GIMAP7: variants seen among roughly 807,000 people sequenced by gnomAD.
GIMAP7 encodes the protein GTPase IMAP family member 7.
For missense variants in GIMAP7, 323 were observed against 359.7 expected, an observed-to-expected ratio of 0.90 and a Z score of 0.83; for synonymous variants, 137 against 129.3, an observed-to-expected ratio of 1.06 and a Z score of -0.40.
At chr7:150,517,266 T>A (rs1329044279) in intron 1 of GIMAP7, among the ~76,000 whole-genome samples, 1 of 152,214 alleles carries the variant, frequency 6.6e-6, no homozygotes, top group Non-Finnish European at 1.5e-5. Flanking sequence ...TGGTATATTT[T>A]AATCCATTGG....
At chr7:150,518,192 G>C (rs73480197) in intron 1 of GIMAP7, among the ~76,000 whole-genome samples, 28,441 of 151,882 alleles carry the variant, frequency 0.19, 4,302 homozygotes, top group African/African-American at 0.4. Flanking sequence ...TGCAGCTCTG[G>C]GATAAATCCT....
intron 1 of GIMAP7, 72 bp from the exon 2 acceptor site, chr7:150,519,861 GC>G: frequency 1.2e-6 from 1 of 842,164 alleles, no homozygotes; most frequent in Non-Finnish European, 1.9e-6. Context: ...GAAAGAGAAA[GC>G]AGAAAAGAAG....
intron 1 of GIMAP7, among the ~76,000 whole-genome samples, chr7:150,516,218 T>C (rs1285721964): frequency 2.0e-5 from 3 of 152,232 alleles, no homozygotes; most frequent in African/African-American, 7.2e-5. Flanking sequence ...TGTTCTGATA[T>C]GCAGTCTCTG....
chr7:150,520,997 TATA>T lies in GIMAP7; in HGVS notation c.*123_*125del. ...ATAAAAATAAAATATGTTTAATGTA[TATA>T]ATGTGATTTTTAAATATATATATAT... On this transcript the variant is annotated 3_prime_UTR_variant, in exon 2 of 2. Transcript: ENST00000313543. 1 of 337,974 alleles carries T rather than the reference TATA, an allele frequency of 3.0e-6. No individual in the cohort carries two copies. Among genetic ancestry groups the T allele is most frequent in the Non-Finnish European group, 4.9e-6 (1 of 202,590 alleles). The allele number at this position is 337,974 out of a possible 1,614,324, so 20.9% of individuals were successfully genotyped here.
rs545570989 is a variant in GIMAP7, at chr7:150,520,214, A to T, written c.240A>T (p.Glu80Asp). The T allele has an allele frequency of 1.1e-5, 18 of 1,614,140 alleles. No homozygotes were observed. In the East Asian group the frequency reaches 1.6e-4, roughly 14 times the overall value. The change falls in exon 2 of 2, where the codon GAA becomes GAT. Residue 80 changes from glutamate (E) to aspartate (D), a missense_variant. Physicochemically the swap from Glu to Asp is conservative, Grantham distance 45. Coordinates refer to ENST00000313543, the MANE Select transcript of GIMAP7 (RefSeq NM_153236.4). The part of the protein sequence containing the change: ...TKESLDTTCK[E>D]ISRCIISSCP... ...AGAGCCTGGACACCACCTGCAAGGAAATCAGCCGCTGCATCATCTCCTCCT... is the reference window on the plus strand; with the variant it reads ...AGAGCCTGGACACCACCTGCAAGGATATCAGCCGCTGCATCATCTCCTCCT...
intron 1 of GIMAP7, among the ~76,000 whole-genome samples, chr7:150,518,592 A>G (rs1294011296): frequency 6.6e-6 from 1 of 152,018 alleles, no homozygotes; most frequent in Non-Finnish European, 1.5e-5. Context: ...ATACAGTAGG[A>G]AAAGTAGCCC....
Position 150,519,994 on chromosome 7 carries a change from G to A in GIMAP7, c.20G>A (p.Arg7His), listed in dbSNP as rs145339506. Residue 7 changes from arginine (R) to histidine (H), a missense_variant, in exon 2 of 2, where the codon CGC becomes CAC. By Grantham distance (29) the Arg-to-His change is conservative (BLOSUM62 0). Coordinates refer to ENST00000313543, the MANE Select transcript of GIMAP7 (RefSeq NM_153236.4). Reference sequence around the variant, plus strand: ...GTGAGCATGGCTGAGAGTGAGGACCGCTCCCTGAGGATCGTTCTGGTAGGG... The same window carrying A: ...GTGAGCATGGCTGAGAGTGAGGACCACTCCCTGAGGATCGTTCTGGTAGGG... MAESED[R>H]SLRIVLVGKT... 90 of 1,613,838 alleles carry A rather than the reference G, an allele frequency of 5.6e-5. No individual in the cohort carries two copies. The South Asian group carries it at 8.1e-4, about 15-fold the overall frequency.
chr7:150,520,012 T>C lies in GIMAP7; in HGVS notation c.38T>C (p.Leu13Pro). 1 of 1,614,184 alleles carries C rather than the reference T, an allele frequency of 6.2e-7. No homozygotes were observed. The highest frequency in any genetic ancestry group is 8.5e-7 in the Non-Finnish European group (1 of 1,180,022). Residue 13 changes from leucine (L) to proline (P), a missense_variant, in exon 2 of 2, where the codon CTG (leucine) becomes CCG (proline). Coordinates refer to ENST00000313543, the MANE Select transcript of GIMAP7 (RefSeq NM_153236.4). ...GAGGACCGCTCCCTGAGGATCGTTC[T>C]GGTAGGGAAAACTGGAAGTGGGAAA... is the stretch of plus-strand genomic sequence containing the variant. ...ESEDRSLRIVLVGKTGSGKSA... is the reference protein window; with the variant it reads ...ESEDRSLRIVPVGKTGSGKSA...
In GIMAP7 at chr7:150,520,267, T is replaced by A; in HGVS notation, c.293T>A (p.Val98Asp). 1 of 1,614,228 alleles carries A rather than the reference T, an allele frequency of 6.2e-7. No homozygotes were observed. The change falls in exon 2 of 2, where the codon GTT becomes GAT. Residue 98 changes from valine (V) to aspartate (D), a missense_variant. Transcript: ENST00000313543. Reference protein sequence around the residue: ...SCPGPHAIVLVLLLGRYTEEE... With the variant: ...SCPGPHAIVLDLLLGRYTEEE... ...CCAGGGCCCCATGCTATTGTCCTAG[T>A]TCTGCTGCTGGGCCGCTACACAGAG...
At position 150,515,657 on chromosome 7, in the gene GIMAP7, T is replaced by C. The variant is rs141377047; in HGVS notation, c.-42+712T>C. Reference sequence around the variant, plus strand: ...CACAGTTTAGAACTGTTCACCTCTGTTGTAAATGCTTTTGTCATTTCTCAG... The same window carrying C: ...CACAGTTTAGAACTGTTCACCTCTGCTGTAAATGCTTTTGTCATTTCTCAG... On this transcript the variant is annotated intron_variant, in intron 1 of 1. Transcript: ENST00000313543. 6.5e-3 allele frequency among the ~76,000 whole-genome samples: 988 copies of C among 152,306 alleles called. 11 individuals are homozygous for C. Among genetic ancestry groups the C allele is most frequent in the African/African-American group, 0.023 (945 of 41,554 alleles).
In GIMAP7 at chr7:150,520,910, T is replaced by C; in HGVS notation, c.*33T>C. 8.3e-7 allele frequency: 1 copy of C among 1,200,932 alleles called. No homozygotes were observed. The allele number at this position is 1,200,932 out of a possible 1,614,324, so 74.4% of individuals were successfully genotyped here. On this transcript the variant is annotated 3_prime_UTR_variant, in exon 2 of 2. Coordinates refer to ENST00000313543, the MANE Select transcript of GIMAP7 (RefSeq NM_153236.4). ...TGATTTGTTAATGGATGAATTGTAT[T>C]TTGCAAAGATAGTTAGAGAAATACC...
chr7:150,520,543 A>G lies in GIMAP7; in HGVS notation c.569A>G (p.Glu190Gly). 1.2e-6 allele frequency: 2 copies of G among 1,614,222 alleles called. No homozygotes were observed. Among genetic ancestry groups the G allele is most frequent in the South Asian group, 2.2e-5 (2 of 91,092 alleles). The change falls in exon 2 of 2, where the codon GAG (glutamate) becomes GGG (glycine). Residue 190 changes from glutamate (E) to glycine (G), a missense_variant. Transcript: ENST00000313543. Reference protein sequence around the residue: ...SQVQELVELIEKMVQCNEGAY... With the variant: ...SQVQELVELIGKMVQCNEGAY... ...GTGCAGGAGTTGGTGGAGCTGATAG[A>G]GAAAATGGTGCAGTGCAACGAAGGG...
In GIMAP7 at chr7:150,519,992, C is replaced by A. The variant is rs529928390; in HGVS notation, c.18C>A (p.Asp6Glu). The change falls in exon 2 of 2, where the codon GAC becomes GAA. Residue 6 changes from aspartate (D) to glutamate (E), a missense_variant. Asp to Glu is a conservative substitution (Grantham distance 45). Transcript: ENST00000313543. Reference protein sequence around the residue: MAESEDRSLRIVLVGK... With the variant: MAESEERSLRIVLVGK... Reference sequence around the variant, plus strand: ...ACGTGAGCATGGCTGAGAGTGAGGACCGCTCCCTGAGGATCGTTCTGGTAG... The same window carrying A: ...ACGTGAGCATGGCTGAGAGTGAGGAACGCTCCCTGAGGATCGTTCTGGTAG... 1 of 1,613,920 alleles carries A rather than the reference C, an allele frequency of 6.2e-7. No individual in the cohort carries two copies. The highest frequency in any genetic ancestry group is 8.5e-7 in the Non-Finnish European group (1 of 1,179,878).
In GIMAP7 at chr7:150,520,684, A is replaced by G; in HGVS notation, c.710A>G (p.Glu237Gly). ...AATGAAGAAATTAAACTAGTAGAAG[A>G]GGATAAGCATAAATCAGAGGAAGAA... Reference protein sequence around the residue: ...QLNEEIKLVEEDKHKSEEEKE... With the variant: ...QLNEEIKLVEGDKHKSEEEKE... Residue 237 changes from glutamate to glycine, a missense_variant, in exon 2 of 2, where the codon GAG becomes GGG. Physicochemically the swap from Glu to Gly is moderately conservative, Grantham distance 98. Transcript: ENST00000313543. 3 of 1,598,568 alleles carry G rather than the reference A, an allele frequency of 1.9e-6. No homozygotes were observed. The highest frequency in any genetic ancestry group is 1.1e-5 in the South Asian group (1 of 90,322).
chr7:150,518,242 A>G lies in GIMAP7; in HGVS notation c.-41-1692A>G, dbSNP rs1318614184. On this transcript the variant is annotated intron_variant, in intron 1 of 1. Transcript: ENST00000313543. Reference sequence around the variant, plus strand: ...TAATCAAAGAGTAAATGCATGTGTAATTTTTCAAGGTATTGCCACCTTCTC... The same window carrying G: ...TAATCAAAGAGTAAATGCATGTGTAGTTTTTCAAGGTATTGCCACCTTCTC... Among the ~76,000 whole-genome samples the G allele has an allele frequency of 2.0e-5, 3 of 151,942 alleles. No homozygotes were observed. The East Asian group carries it at 5.8e-4, about 29-fold the overall frequency.
intron 1 of GIMAP7, among the ~76,000 whole-genome samples, 195 bp downstream of exon 1, chr7:150,515,140 A>T (rs866936892): frequency 9.9e-5 from 15 of 152,194 alleles, no homozygotes; most frequent in African/African-American, 3.1e-4. Flanking sequence ...CATGCATCTC[A>T]TATGTAACAG....
At position 150,520,372 on chromosome 7, in the gene GIMAP7, G is replaced by A. The variant is rs763167681; in HGVS notation, c.398G>A (p.Arg133His). 5 of 1,614,174 alleles carry A rather than the reference G, an allele frequency of 3.1e-6. No individual in the cohort carries two copies. The highest frequency in any genetic ancestry group is 1.6e-4 in the Middle Eastern group (1 of 6,062). ...AMKHMVILFT[R>H]KEELEGQSFH... ...AAGCACATGGTCATCTTGTTCACTC[G>A]CAAAGAAGAGTTGGAGGGCCAGAGC... The change falls in exon 2 of 2, where the codon CGC becomes CAC. Residue 133 changes from arginine to histidine, a missense_variant. Coordinates refer to ENST00000313543, the MANE Select transcript of GIMAP7 (RefSeq NM_153236.4).
At chr7:150,515,372 C>T (rs1170166106) in intron 1 of GIMAP7, among the ~76,000 whole-genome samples, 1 of 152,170 alleles carries the variant, frequency 6.6e-6, no homozygotes, top group African/African-American at 2.4e-5. Context: ...ACCCAGATCA[C>T]TCATGGCGGA....
chr7:150,518,057 A>G (rs1358883737), intron 1 of GIMAP7, among the ~76,000 whole-genome samples: 2 of 151,966 alleles, frequency 1.3e-5, no homozygotes, highest in African/African-American at 2.4e-5. Context: ...ATCTCTTCAT[A>G]CTGGTATATA....
Sources: gnomAD v4.1 joint callset for allele counts (sites outside exome capture counted in the v4.1 genomes callset) on GRCh38, gnomAD v4.1.1 for gene constraint, MANE v1.5 for transcripts, NCBI Gene and HGNC (gene_info 2026-07-23, HGNC 2026-07-21) for gene names.